Variants in GHR observed in about 807,000 individuals in gnomAD.
GHR encodes the protein GH receptor.
A neutral mutation model predicts 67.1 loss-of-function variants in GHR; 35 were observed. The ratio of observed to expected loss-of-function variants is 0.52; its 90% CI spans 0.40 to 0.69. The LOEUF is 0.69. GHR is among the 30% of genes least tolerant of loss of function. The pLI is 0.00. For synonymous variants in GHR, 272 were observed against 269.1 expected (o/e 1.01, Z -0.10); for missense variants, 792 against 764.6 (o/e 1.04, Z -0.42).
chr5:42,433,097 T>G (rs371849642), intron 1 of GHR, among the ~76,000 whole-genome samples: 2 of 152,328 alleles, frequency 1.3e-5, no homozygotes, highest in South Asian at 2.1e-4. Context: ...TTGGAAACAT[T>G]TAGAAGTTTT....
intron 1 of GHR, among the ~76,000 whole-genome samples, chr5:42,454,431 GGT>G (rs1460381499): frequency 1.3e-5 from 2 of 152,164 alleles, no homozygotes; most frequent in African/African-American, 4.8e-5. Context: ...GCCAGGAGGT[GGT>G]GTCTTTTGTG....
chr5:42,467,175 G>C, intron 1 of GHR: 1 of 1,596,988 alleles, frequency 6.3e-7, no homozygotes. Flanking sequence ...GGACAAAAAG[G>C]CAAGAGAGCT....
intron 3 of GHR, among the ~76,000 whole-genome samples, chr5:42,661,547 C>A (rs1259881456): frequency 1.3e-5 from 2 of 152,150 alleles, no homozygotes; most frequent in African/African-American, 2.4e-5. Flanking sequence ...TACAGACAAG[C>A]AAATGCTGAG....
At chr5:42,475,121 G>C (rs1191811367) in intron 1 of GHR, among the ~76,000 whole-genome samples, 1 of 151,722 alleles carries the variant, frequency 6.6e-6, no homozygotes, top group African/African-American at 2.4e-5. Context: ...TGACCTCAAG[G>C]CCCACCTTAG....
chr5:42,693,133 C>T (rs1417253988), intron 4 of GHR, among the ~76,000 whole-genome samples: 1 of 126,528 alleles, frequency 7.9e-6, no homozygotes, highest in Non-Finnish European at 1.7e-5. Flanking sequence ...CTCATTCAAG[C>T]ATATGCAACT....
intron 6 of GHR, among the ~76,000 whole-genome samples, chr5:42,703,219 G>T (rs938879607): frequency 1.3e-5 from 2 of 151,840 alleles, no homozygotes; most frequent in Non-Finnish European, 2.9e-5. Context: ...AATCGATTTT[G>T]AGTTTATTTT....
chr5:42,590,055 G>C (rs1751694530), intron 2 of GHR, among the ~76,000 whole-genome samples: 1 of 152,150 alleles, frequency 6.6e-6, no homozygotes, highest in South Asian at 2.1e-4. Context: ...ATGCTTATTG[G>C]GAGCATGTTG....
At chr5:42,706,481 T>A (rs949475045) in intron 6 of GHR, among the ~76,000 whole-genome samples, 1 of 152,182 alleles carries the variant, frequency 6.6e-6, no homozygotes, top group Non-Finnish European at 1.5e-5. Context: ...ATGTCCAGAA[T>A]GGTATTTCCT....
chr5:42,613,527 G>A (rs1285682273), intron 2 of GHR, among the ~76,000 whole-genome samples: 2 of 152,220 alleles, frequency 1.3e-5, no homozygotes, highest in Admixed American at 6.5e-5. Context: ...ACCAGGCATC[G>A]CTGTGGAAAG....
chr5:42,649,660 G>A (rs1328955918), intron 3 of GHR, among the ~76,000 whole-genome samples: 1 of 152,098 alleles, frequency 6.6e-6, no homozygotes, highest in Non-Finnish European at 1.5e-5. Flanking sequence ...TCTTCCCTGG[G>A]CCTTTCTTCC....
chr5:42,596,909 T>C (rs1187234002), intron 2 of GHR, among the ~76,000 whole-genome samples: 2 of 152,204 alleles, frequency 1.3e-5, no homozygotes, highest in African/African-American at 4.8e-5. Flanking sequence ...CAGCCCACTC[T>C]GCTAGTAACC....
chr5:42,718,616 A>C lies in GHR; in HGVS notation c.1109A>C (p.His370Pro). 6.2e-7 allele frequency: 1 copy of C among 1,614,124 alleles called. No homozygotes were observed. ...SDTDRLLSSD[H>P]EKSHSNLGVK... Reference sequence around the variant, plus strand: ...ACAGACAGACTTCTAAGCAGTGACCATGAGAAATCACATAGTAACCTAGGG... The same window carrying C: ...ACAGACAGACTTCTAAGCAGTGACCCTGAGAAATCACATAGTAACCTAGGG... The change falls in exon 10 of 10, where the codon CAT becomes CCT. Residue 370 changes from histidine (H) to proline (P), a missense_variant. Physicochemically the swap from His to Pro is moderately conservative, Grantham distance 77. Transcript: ENST00000230882.
At chr5:42,451,240 A>G (rs1251529343) in intron 1 of GHR, among the ~76,000 whole-genome samples, 2 of 152,118 alleles carry the variant, frequency 1.3e-5, no homozygotes, top group Non-Finnish European at 2.9e-5. Flanking sequence ...GAAATCCCAC[A>G]CTATTATTAT....
chr5:42,442,343 T>C (rs1397609401), intron 1 of GHR, among the ~76,000 whole-genome samples: 1 of 152,190 alleles, frequency 6.6e-6, no homozygotes, highest in East Asian at 1.9e-4. Flanking sequence ...TTATAAAATA[T>C]ATGAGCCTTT....
intron 2 of GHR, among the ~76,000 whole-genome samples, chr5:42,609,624 G>T (rs1045014726): frequency 2.0e-5 from 3 of 152,116 alleles, no homozygotes; most frequent in Non-Finnish European, 4.4e-5. Flanking sequence ...GATAAAGGAT[G>T]AAGTGTCCTC....
At chr5:42,574,952 C>T (rs1397374170) in intron 2 of GHR, among the ~76,000 whole-genome samples, 1 of 152,134 alleles carries the variant, frequency 6.6e-6, no homozygotes, top group Non-Finnish European at 1.5e-5. Context: ...CCCAAGGTAG[C>T]ATTCAATAAA....
At chr5:42,429,130 G>C (rs778857530) in intron 1 of GHR, among the ~76,000 whole-genome samples, 1 of 152,150 alleles carries the variant, frequency 6.6e-6, no homozygotes, top group African/African-American at 2.4e-5. Flanking sequence ...TTTAATGGTC[G>C]CACAGTTCCA....
At chr5:42,616,475 G>C (rs1408743973) in intron 2 of GHR, among the ~76,000 whole-genome samples, 1 of 151,970 alleles carries the variant, frequency 6.6e-6, no homozygotes, top group Non-Finnish European at 1.5e-5. Context: ...GAAGAATTTA[G>C]GAAGAACAGT....
chr5:42,494,427 A>C (rs1422799454), intron 1 of GHR, among the ~76,000 whole-genome samples: 1 of 152,128 alleles, frequency 6.6e-6, no homozygotes, highest in Non-Finnish European at 1.5e-5. Context: ...TGTTGAGGAA[A>C]AAATGTCTCC....
Sources: allele counts gnomAD v4.1 joint callset (sites outside exome capture counted in the v4.1 genomes callset), GRCh38; gene constraint gnomAD v4.1.1; transcripts MANE v1.5; gene names NCBI Gene and HGNC (gene_info 2026-07-23, HGNC 2026-07-21).